Variants in CIMIP2A observed in about 807,000 individuals in gnomAD.
The protein encoded by CIMIP2A is family with sequence similarity 166 member A.
chr9:137,251,344 G>A, the CIMIP2A span: 1 of 1,613,752 alleles, frequency 6.2e-7, no homozygotes. Flanking sequence ...CATCAATGGA[G>A]GCAAACACTG....
chr9:137,246,631 G>A, the CIMIP2A span, among the ~76,000 whole-genome samples: 1 of 152,136 alleles, frequency 6.6e-6, no homozygotes, highest in South Asian at 2.1e-4. Context: ...GGCATTGGTG[G>A]CGGGCCCTGT....
At chr9:137,249,016 T>C in the CIMIP2A span, among the ~76,000 whole-genome samples, 2 of 75,288 alleles carry the variant, frequency 2.7e-5, no homozygotes, top group Non-Finnish European at 6.9e-5. Context: ...CAGACTAATA[T>C]GGTTTTTTTT....
At chr9:137,249,187 G>T in the CIMIP2A span, among the ~76,000 whole-genome samples, 1 of 152,160 alleles carries the variant, frequency 6.6e-6, no homozygotes, top group Non-Finnish European at 1.5e-5. Context: ...AAAGACCGCA[G>T]TCCGTAAATA....
At chr9:137,248,222 T>C in the CIMIP2A span, among the ~76,000 whole-genome samples, 1 of 152,204 alleles carries the variant, frequency 6.6e-6, no homozygotes, top group East Asian at 1.9e-4. Context: ...TTTGTTCTTT[T>C]TTTGTACAGG....
the CIMIP2A span, chr9:137,247,694 C>CA: frequency 6.2e-7 from 1 of 1,613,490 alleles, no homozygotes; most frequent in South Asian, 1.1e-5. Context: ...GTGAAGAGAT[C>CA]GTGTTTCTGA....
chr9:137,243,754 G>A, the CIMIP2A span: 1 of 1,613,976 alleles, frequency 6.2e-7, no homozygotes, highest in Non-Finnish European at 8.5e-7. Flanking sequence ...TCCGGGTGCT[G>A]TTGCCGAATG....
the CIMIP2A span, chr9:137,243,644 C>T: frequency 1.9e-6 from 3 of 1,614,010 alleles, no homozygotes; most frequent in African/African-American, 4.0e-5. Flanking sequence ...ACTGTGTGCA[C>T]TTGCTGTTTT....
At chr9:137,252,232 G>A in the CIMIP2A span, 1 of 1,495,210 alleles carries the variant, frequency 6.7e-7, no homozygotes, top group Non-Finnish European at 9.0e-7. Context: ...CGGCCTGAGG[G>A]CCCCTCCACC....
At chr9:137,243,883 G>T in the CIMIP2A span, 1 of 1,357,652 alleles carries the variant, frequency 7.4e-7, no homozygotes, top group Non-Finnish European at 1.0e-6. Context: ...GGGCTGCCCT[G>T]GGCCCTGGGT....
the CIMIP2A span, chr9:137,251,841 A>G: frequency 6.2e-7 from 1 of 1,607,418 alleles, no homozygotes; most frequent in Non-Finnish European, 8.5e-7. Context: ...CAGGTTACAG[A>G]CGGGCACCCC....
the CIMIP2A span, among the ~76,000 whole-genome samples, chr9:137,249,008 G>A: frequency 7.4e-6 from 1 of 135,912 alleles, no homozygotes; most frequent in Non-Finnish European, 1.6e-5. Context: ...GGAAAATGCA[G>A]ACTAATATGG....
At chr9:137,244,307 G>A in the CIMIP2A span, 4 of 1,613,028 alleles carry the variant, frequency 2.5e-6, no homozygotes, top group South Asian at 1.1e-5. Context: ...ACAGGAAGGT[G>A]CTAACAAGCT....
the CIMIP2A span, among the ~76,000 whole-genome samples, chr9:137,249,776 G>A: frequency 6.6e-6 from 1 of 152,188 alleles, no homozygotes; most frequent in Non-Finnish European, 1.5e-5. Context: ...CCCTCCCCGT[G>A]CCTCTCTCTA....
the CIMIP2A span, chr9:137,252,960 G>C: frequency 3.1e-6 from 5 of 1,596,542 alleles, no homozygotes; most frequent in Non-Finnish European, 4.3e-6. Context: ...TCCTGGCTCA[G>C]CACCTGTAAG....
the CIMIP2A span, among the ~76,000 whole-genome samples, chr9:137,249,616 A>G: frequency 6.6e-6 from 1 of 152,132 alleles, no homozygotes; most frequent in African/African-American, 2.4e-5. Context: ...CTTCCAGGAG[A>G]GGTCCCACCT....
chr9:137,250,951 C>T, the CIMIP2A span: 3 of 355,150 alleles, frequency 8.4e-6, no homozygotes, highest in South Asian at 6.9e-5. Flanking sequence ...GTTCCCTCCA[C>T]CCCCTCTGCT....
the CIMIP2A span, among the ~76,000 whole-genome samples, chr9:137,246,569 C>G: frequency 6.6e-6 from 1 of 152,058 alleles, no homozygotes; most frequent in East Asian, 1.9e-4. Context: ...CAAGACCATC[C>G]TGGCCAACAT....
chr9:137,244,861 ACTGT>A, the CIMIP2A span: 38 of 1,565,046 alleles, frequency 2.4e-5, no homozygotes, highest in Middle Eastern at 1.7e-4. Flanking sequence ...AACGTTGGCG[ACTGT>A]CTGATGTGGC....
At chr9:137,245,212 G>T in the CIMIP2A span, 1 of 1,581,136 alleles carries the variant, frequency 6.3e-7, no homozygotes, top group Non-Finnish European at 8.6e-7. Flanking sequence ...CTCTGGCAGT[G>T]GTACAGCTGG....
Sources: allele counts gnomAD v4.1 joint callset (sites outside exome capture counted in the v4.1 genomes callset), GRCh38; gene constraint gnomAD v4.1.1; transcripts MANE v1.5; gene names NCBI Gene and HGNC (gene_info 2026-07-23, HGNC 2026-07-21).